C8orf34: variants seen among roughly 807,000 people sequenced by gnomAD.
C8orf34 encodes the protein chromosome 8 open reading frame 34.
C8orf34 carries 65 observed loss-of-function variants against 68.3 expected under a neutral mutation model. That is an observed-to-expected ratio of 0.95 (90% CI 0.78 to 1.17). The LOEUF is 1.17. C8orf34 is among the 50% of genes most tolerant of loss of function. The probability of loss-of-function intolerance (pLI) is 0.00; values close to 1 mark genes in which losing one functional copy is unlikely to be tolerated. For synonymous variants in C8orf34, 244 were observed against 241.2 expected, an observed-to-expected ratio of 1.01 and a Z score of -0.11; for missense variants, 664 against 655.4, an observed-to-expected ratio of 1.01 and a Z score of -0.14.
rs1017602941 is a variant in C8orf34 at position 68,728,805 on chromosome 8, T to A, written c.1404+7368T>A. ...GTGGGGACACTGCCAAACCATATCATTGTGTTTTGTTGATTAGTATATGCA... is the reference window on the plus strand; with the variant it reads ...GTGGGGACACTGCCAAACCATATCAATGTGTTTTGTTGATTAGTATATGCA... On this transcript the variant is annotated intron_variant, in intron 10 of 13. Transcript: ENST00000518698. Among the ~76,000 whole-genome samples, 6 of 152,310 alleles carry A rather than the reference T, an allele frequency of 3.9e-5. No homozygotes were observed. The South Asian group carries it at 1.2e-3, about 32-fold the overall frequency.
intron 1 of C8orf34, among the ~76,000 whole-genome samples, chr8:68,412,092 C>T (rs1809468094): frequency 6.6e-6 from 1 of 152,210 alleles, no homozygotes; most frequent in Admixed American, 6.5e-5. Context: ...ACTGAACTTG[C>T]TGGCGCCTTG....
rs138069822 is a variant in C8orf34 at position 68,380,916 on chromosome 8, T to A, written c.327+49577T>A. Among the ~76,000 whole-genome samples the A allele has an allele frequency of 1.3e-3, 205 of 152,302 alleles. 1 individual carries two copies. The highest frequency in any genetic ancestry group is 4.7e-3 in the African/African-American group (194 of 41,568). On this transcript the variant is annotated intron_variant, in intron 1 of 13. Coordinates refer to ENST00000518698, the MANE Select transcript of C8orf34 (RefSeq NM_052958.4). Reference sequence around the variant, plus strand: ...ATGTGTTCCATTATGCCCTGAGGCTTTATTCTAATTGAGAGTCCATATTAA... The same window carrying A: ...ATGTGTTCCATTATGCCCTGAGGCTATATTCTAATTGAGAGTCCATATTAA...
At chr8:68,481,893 TG>T (rs1331158392) in intron 4 of C8orf34, among the ~76,000 whole-genome samples, 1 of 152,202 alleles carries the variant, frequency 6.6e-6, no homozygotes, top group Non-Finnish European at 1.5e-5. Context: ...TGTGGACTTT[TG>T]GGTTAATGCT....
At chr8:68,610,403 A>T (rs1398101218) in intron 7 of C8orf34, among the ~76,000 whole-genome samples, 2 of 152,168 alleles carry the variant, frequency 1.3e-5, no homozygotes, top group Non-Finnish European at 2.9e-5. Context: ...CTCTCAAATG[A>T]GGTACTACCT....
intron 7 of C8orf34, among the ~76,000 whole-genome samples, chr8:68,602,551 T>C (rs560621099): frequency 6.6e-6 from 1 of 151,996 alleles, no homozygotes; most frequent in African/African-American, 2.4e-5. Context: ...ACCCCCATGA[T>C]TAAATTACCT....
At chr8:68,501,205 A>G (rs1813756965) in intron 5 of C8orf34, among the ~76,000 whole-genome samples, 1 of 152,164 alleles carries the variant, frequency 6.6e-6, no homozygotes, top group Non-Finnish European at 1.5e-5. Flanking sequence ...TCTAACAATG[A>G]ACCCAAGGAT....
At chr8:68,796,150 CG>C (rs1451555556) in intron 12 of C8orf34, among the ~76,000 whole-genome samples, 4 of 152,160 alleles carry the variant, frequency 2.6e-5, no homozygotes, top group African/African-American at 9.7e-5. Flanking sequence ...TATTGACATA[CG>C]GCAAGTTAAA....
At chr8:68,583,485 C>G (rs1249997919) in intron 7 of C8orf34, among the ~76,000 whole-genome samples, 1 of 152,108 alleles carries the variant, frequency 6.6e-6, no homozygotes, top group Non-Finnish European at 1.5e-5. Context: ...AACGTATTCC[C>G]TATTCACTCT....
At chr8:68,672,772 G>C (rs972993537) in intron 8 of C8orf34, among the ~76,000 whole-genome samples, 6 of 152,186 alleles carry the variant, frequency 3.9e-5, no homozygotes, top group Non-Finnish European at 8.8e-5. Context: ...ATGCAATCTA[G>C]TGAGACACCA....
At chr8:68,385,555 GT>G (rs1443814394) in intron 1 of C8orf34, among the ~76,000 whole-genome samples, 17 of 152,160 alleles carry the variant, frequency 1.1e-4, no homozygotes, top group Admixed American at 1.1e-3. Context: ...TCCAGTGTGA[GT>G]TTAATGAGAA....
chr8:68,417,875 T>A (rs561172928), intron 1 of C8orf34, among the ~76,000 whole-genome samples: 1 of 151,970 alleles, frequency 6.6e-6, no homozygotes, highest in East Asian at 1.9e-4. Context: ...ATCTGTAAAT[T>A]ACCTTGGGCA....
At chr8:68,673,917 C>T (rs1449550226) in intron 8 of C8orf34, among the ~76,000 whole-genome samples, 1 of 152,172 alleles carries the variant, frequency 6.6e-6, no homozygotes, top group Admixed American at 6.5e-5. Flanking sequence ...CCCCCAGCTC[C>T]AGGCAGCTCA....
intron 1 of C8orf34, among the ~76,000 whole-genome samples, chr8:68,413,850 A>T (rs142744396): frequency 6.6e-6 from 1 of 152,296 alleles, no homozygotes; most frequent in East Asian, 1.9e-4. Flanking sequence ...AATGTATGTC[A>T]CTAGCTCTTC....
chr8:68,679,296 CAAAACAAAAACAA>C (rs1820292228), intron 8 of C8orf34, among the ~76,000 whole-genome samples: 1 of 150,758 alleles, frequency 6.6e-6, no homozygotes, highest in African/African-American at 2.4e-5. Context: ...AAAAACAAAA[CAAAACAAAAACAA>C]AAAACAAAAG....
At chr8:68,507,899 A>C (rs1167383357) in intron 5 of C8orf34, among the ~76,000 whole-genome samples, 1 of 152,180 alleles carries the variant, frequency 6.6e-6, no homozygotes, top group Non-Finnish European at 1.5e-5. Context: ...AGATTTAATT[A>C]CTGGTAGTTT....
chr8:68,334,708 C>A (rs1467656497), intron 1 of C8orf34, among the ~76,000 whole-genome samples: 5 of 152,170 alleles, frequency 3.3e-5, no homozygotes, highest in Non-Finnish European at 5.9e-5. Flanking sequence ...CACTACATTT[C>A]TCTAAGTATG....
At chr8:68,389,371 A>G (rs1302284411) in intron 1 of C8orf34, among the ~76,000 whole-genome samples, 2 of 152,174 alleles carry the variant, frequency 1.3e-5, no homozygotes, top group East Asian at 3.9e-4. Context: ...GGCATCATAT[A>G]TATAAGTGCT....
chr8:68,517,266 TA>T (rs1814559360), intron 5 of C8orf34, among the ~76,000 whole-genome samples: 1 of 152,132 alleles, frequency 6.6e-6, no homozygotes, highest in African/African-American at 2.4e-5. Context: ...CAAATATAAA[TA>T]ATATAACCAA....
chr8:68,367,781 G>T (rs1487321924), intron 1 of C8orf34, among the ~76,000 whole-genome samples: 1 of 141,110 alleles, frequency 7.1e-6, no homozygotes, highest in African/African-American at 2.6e-5. Flanking sequence ...GATAGCATTG[G>T]GAGATATACC....
Sources: gnomAD v4.1 joint callset for allele counts (sites outside exome capture counted in the v4.1 genomes callset) on GRCh38, gnomAD v4.1.1 for gene constraint, MANE v1.5 for transcripts, NCBI Gene and HGNC (gene_info 2026-07-23, HGNC 2026-07-21) for gene names.